NRXN1: variants seen among roughly 807,000 people sequenced by gnomAD.
NRXN1 encodes the protein neurexin-1.
NRXN1 carries 39 observed loss-of-function variants against 150.9 expected under a neutral mutation model. The observed-to-expected ratio is 0.26, with a 90% CI of 0.20 to 0.34. The LOEUF is 0.34. NRXN1 is among the 10% of genes least tolerant of loss of function. The probability of loss-of-function intolerance (pLI) is 1.00; values close to 1 mark genes in which losing one functional copy is unlikely to be tolerated. For synonymous variants in NRXN1, 924 were observed against 757.0 expected (o/e 1.22, Z -3.62); for missense variants, 1,815 against 1,949.9 (o/e 0.93, Z 1.30).
At chr2:50,301,163 C>T (rs533568774) in intron 17 of NRXN1, among the ~76,000 whole-genome samples, 4 of 152,322 alleles carry the variant, frequency 2.6e-5, no homozygotes, top group Admixed American at 2.6e-4. Flanking sequence ...TTCTATTTTG[C>T]TTAAATCATT....
intron 17 of NRXN1, among the ~76,000 whole-genome samples, chr2:50,385,004 A>C (rs1394616940): frequency 6.6e-6 from 1 of 152,170 alleles, no homozygotes; most frequent in Non-Finnish European, 1.5e-5. Context: ...ATCTGTTTAG[A>C]GACCATCTAG....
chr2:50,668,478 A>T (rs1688381941), intron 5 of NRXN1, among the ~76,000 whole-genome samples: 1 of 152,062 alleles, frequency 6.6e-6, no homozygotes, highest in South Asian at 2.1e-4. Context: ...CAGCAGGAAG[A>T]AGAAAATGCA....
At chr2:50,517,000 T>C (rs930403696) in intron 12 of NRXN1, among the ~76,000 whole-genome samples, 1 of 152,174 alleles carries the variant, frequency 6.6e-6, no homozygotes, top group East Asian at 1.9e-4. Context: ...ATTGCATTTA[T>C]TTTTTGACCC....
intron 19 of NRXN1, among the ~76,000 whole-genome samples, chr2:50,064,978 A>C (rs1026050784): frequency 1.3e-5 from 2 of 152,114 alleles, no homozygotes; most frequent in Non-Finnish European, 2.9e-5. Context: ...AACACACACT[A>C]CCAGAATCAA....
chr2:50,538,221 G>T (rs1435836292), intron 10 of NRXN1, 32 bp downstream of exon 10: 1 of 1,588,594 alleles, frequency 6.3e-7, no homozygotes, highest in East Asian at 2.2e-5. Flanking sequence ...TTTCATCTCA[G>T]GGAGTTGGCT....
chr2:49,921,408 T>C lies in NRXN1; in HGVS notation c.*536A>G, dbSNP rs201697218. On this transcript the variant is annotated 3_prime_UTR_variant, in exon 23 of 23. Transcript: ENST00000401669. ...CAAGTCTTCAAAAAAGCCAGCACTT[T>C]GTTTCAAATGCAAGTTCCAACCACT... is the stretch of plus-strand genomic sequence containing the variant. The C allele has an allele frequency of 1.3e-5, 2 of 152,908 alleles. No homozygotes were observed. The highest frequency in any genetic ancestry group is 1.3e-4 in the Admixed American group (2 of 15,312). The allele number at this position is 152,908 out of a possible 1,614,324, so 9.5% of individuals were successfully genotyped here.
intron 17 of NRXN1, among the ~76,000 whole-genome samples, chr2:50,286,922 T>C (rs78782594): frequency 0.069 from 10,479 of 152,182 alleles, 480 homozygotes; most frequent in Middle Eastern, 0.13. Context: ...TGCTTCTTCC[T>C]CTTCTTCCTG....
rs1052080091 is a variant in NRXN1 at position 50,975,288 on chromosome 2, T to A, written c.773-49333A>T. Among the ~76,000 whole-genome samples the A allele has an allele frequency of 2.6e-5, 4 of 152,216 alleles. No individual in the cohort carries two copies. The South Asian group carries it at 6.2e-4, about 24-fold the overall frequency. ...TATAAACAAAAACTCTTTGGGTCTC[T>A]CAGTAATATTTAAGAACTTAAAGAG... On this transcript the variant is annotated intron_variant, in intron 2 of 22. Transcript: ENST00000401669.
At chr2:50,771,269 G>A (rs1042165510) in intron 5 of NRXN1, among the ~76,000 whole-genome samples, 27 of 152,004 alleles carry the variant, frequency 1.8e-4, no homozygotes, top group African/African-American at 4.3e-4. Context: ...ATATATTACC[G>A]TCAGGATTAT....
chr2:50,367,168 G>A (rs1193722564), intron 17 of NRXN1, among the ~76,000 whole-genome samples: 2 of 151,872 alleles, frequency 1.3e-5, no homozygotes, highest in African/African-American at 4.8e-5. Flanking sequence ...ATAACTCAAG[G>A]AGAATAAGGC....
intron 17 of NRXN1, among the ~76,000 whole-genome samples, chr2:50,349,792 C>T (rs1425515634): frequency 1.2e-4 from 18 of 152,208 alleles, no homozygotes; most frequent in Non-Finnish European, 2.9e-5. Context: ...TCAAGCTGAT[C>T]ACCATGCACA....
intron 21 of NRXN1, among the ~76,000 whole-genome samples, chr2:49,949,519 A>C (rs1673549906): frequency 6.6e-6 from 1 of 151,992 alleles, no homozygotes; most frequent in Admixed American, 6.6e-5. Flanking sequence ...GAAGACGCTT[A>C]CAGAAAACTA....
chr2:50,083,346 A>C (rs1251025344), intron 19 of NRXN1, among the ~76,000 whole-genome samples: 1 of 152,236 alleles, frequency 6.6e-6, no homozygotes, highest in Non-Finnish European at 1.5e-5. Flanking sequence ...TGTGTAGTTT[A>C]AATGATGCCA....
intron 5 of NRXN1, among the ~76,000 whole-genome samples, chr2:50,810,791 C>A (rs1427182352): frequency 6.6e-6 from 1 of 152,040 alleles, no homozygotes; most frequent in African/African-American, 2.4e-5. Flanking sequence ...ACCATCCTGG[C>A]CAACATGGTG....
intron 5 of NRXN1, among the ~76,000 whole-genome samples, chr2:50,804,158 T>C (rs943246389): frequency 6.6e-6 from 1 of 152,164 alleles, no homozygotes; most frequent in Non-Finnish European, 1.5e-5. Context: ...GTAGACATGA[T>C]TACCAATTAT....
rs547821453 is a variant in NRXN1, at chr2:50,411,710, G to A, written c.3364+53732C>T. Reference sequence around the variant, plus strand: ...TCTGGGAGGTGGGGGGGCAGCCCCCGCCCAGCCGCCACCCTGTCTGGGAGG... The same window carrying A: ...TCTGGGAGGTGGGGGGGCAGCCCCCACCCAGCCGCCACCCTGTCTGGGAGG... On this transcript the variant is annotated intron_variant, in intron 17 of 22. Coordinates refer to ENST00000401669, the MANE Select transcript of NRXN1 (RefSeq NM_001330078.2). Among the ~76,000 whole-genome samples the A allele has an allele frequency of 3.5e-3, 532 of 150,378 alleles. 5 individuals are homozygous for A. The highest frequency in any genetic ancestry group is 0.012 in the African/African-American group (508 of 40,700).
At chr2:50,769,724 T>A (rs904871217) in intron 5 of NRXN1, among the ~76,000 whole-genome samples, 3 of 152,104 alleles carry the variant, frequency 2.0e-5, no homozygotes, top group African/African-American at 4.8e-5. Flanking sequence ...AGAAAATTTA[T>A]ACTTTCATAA....
chr2:50,648,415 G>C (rs1685126943), intron 5 of NRXN1, among the ~76,000 whole-genome samples: 1 of 151,946 alleles, frequency 6.6e-6, no homozygotes, highest in African/African-American at 2.4e-5. Context: ...TATATAAAAT[G>C]TGTATTTGCA....
intron 5 of NRXN1, among the ~76,000 whole-genome samples, chr2:50,877,838 C>T (rs1057442162): frequency 2.0e-5 from 3 of 151,804 alleles, no homozygotes; most frequent in Admixed American, 6.6e-5. Context: ...GGGAAGAGTA[C>T]AAAAACACAA....
Sources: allele counts gnomAD v4.1 joint callset (sites outside exome capture counted in the v4.1 genomes callset), GRCh38; gene constraint gnomAD v4.1.1; transcripts MANE v1.5; gene names NCBI Gene and HGNC (gene_info 2026-07-23, HGNC 2026-07-21).